ROBO2: variants seen among roughly 807,000 people sequenced by gnomAD.
The protein encoded by ROBO2 is roundabout guidance receptor 2.
ROBO2 carries 53 observed loss-of-function variants against 160.8 expected under a neutral mutation model. The observed-to-expected ratio is 0.33, with a 90% CI of 0.26 to 0.41. ROBO2 has a LOEUF of 0.41. ROBO2 is among the 10% of genes least tolerant of loss of function. ROBO2 has a pLI of 1.00. For missense variants in ROBO2, 1,577 were observed against 1,722.4 expected (o/e 0.92, Z 1.49); for synonymous variants, 664 against 611.7 (o/e 1.09, Z -1.26).
intron 1 of ROBO2, among the ~76,000 whole-genome samples, chr3:77,060,343 T>C (rs775208865): frequency 1.3e-5 from 2 of 152,124 alleles, no homozygotes; most frequent in African/African-American, 4.8e-5. Context: ...GAAAATTGAA[T>C]TGGAGAAACC....
chr3:77,280,576 A>G (rs2153370450), intron 2 of ROBO2, among the ~76,000 whole-genome samples: 1 of 152,316 alleles, frequency 6.6e-6, no homozygotes, highest in East Asian at 1.9e-4. Flanking sequence ...TACAGACATA[A>G]AAAATGAATA....
chr3:77,586,948 T>C (rs2094066196), intron 16 of ROBO2, among the ~76,000 whole-genome samples: 1 of 151,612 alleles, frequency 6.6e-6, no homozygotes, highest in African/African-American at 2.4e-5. Flanking sequence ...GGTTTTTAAA[T>C]CTGAAATTTA....
chr3:75,949,778 C>CTT (rs3036031), intron 2 of ROBO2, among the ~76,000 whole-genome samples: 148,685 of 152,114 alleles, frequency 0.98, 72,736 homozygotes, highest in Non-Finnish European at 1. Context: ...TCAGATTGCT[C>CTT]TACATTCCAC....
chr3:77,019,851 G>T (rs2062514455), intron 2 of ROBO2, among the ~76,000 whole-genome samples: 1 of 152,156 alleles, frequency 6.6e-6, no homozygotes, highest in Non-Finnish European at 1.5e-5. Flanking sequence ...GTTCAACATT[G>T]CCTCTTGAAG....
chr3:76,714,495 T>C (rs1477725016), intron 2 of ROBO2, among the ~76,000 whole-genome samples: 1 of 152,160 alleles, frequency 6.6e-6, no homozygotes, highest in African/African-American at 2.4e-5. Flanking sequence ...AATTGTGAGA[T>C]TGACACATAG....
intron 2 of ROBO2, among the ~76,000 whole-genome samples, chr3:76,219,782 A>T (rs1246835241): frequency 6.6e-6 from 1 of 152,208 alleles, no homozygotes; most frequent in African/African-American, 2.4e-5. Flanking sequence ...TTCCTCAGGG[A>T]TCTAGAACTA....
intron 2 of ROBO2, among the ~76,000 whole-genome samples, chr3:76,248,649 G>GA (rs946518595): frequency 1.6e-5 from 2 of 123,450 alleles, no homozygotes; most frequent in African/African-American, 3.3e-5. Context: ...AATAATAAAA[G>GA]AAAAAAAACT....
intron 2 of ROBO2, among the ~76,000 whole-genome samples, chr3:75,971,914 A>C (rs1348747389): frequency 6.6e-6 from 1 of 151,560 alleles, no homozygotes. Flanking sequence ...TACATAATAA[A>C]ATATAGCATC....
chr3:76,736,303 T>TAAAATAAAATAAAAC (rs2093712726), intron 2 of ROBO2, among the ~76,000 whole-genome samples: 1 of 150,532 alleles, frequency 6.6e-6, no homozygotes, highest in Non-Finnish European at 1.5e-5. Context: ...TAAAATAAAA[T>TAAAATAAAATAAAAC]AAAATAAAAT....
At chr3:76,511,928 A>C (rs1010690802) in intron 2 of ROBO2, among the ~76,000 whole-genome samples, 6 of 152,306 alleles carry the variant, frequency 3.9e-5, no homozygotes, top group African/African-American at 1.2e-4. Context: ...GAAATAGCCA[A>C]AATGGTTGTG....
intron 2 of ROBO2, among the ~76,000 whole-genome samples, chr3:77,168,598 A>G (rs1284569637): frequency 3.3e-5 from 5 of 152,070 alleles, no homozygotes; most frequent in Non-Finnish European, 7.3e-5. Flanking sequence ...TTTTTCACCT[A>G]TCCTCTCATT....
intron 5 of ROBO2, among the ~76,000 whole-genome samples, chr3:77,508,283 A>C (rs1390482577): frequency 6.7e-6 from 1 of 148,696 alleles, no homozygotes; most frequent in East Asian, 1.9e-4. Context: ...GTATTTATAT[A>C]GTATATATAT....
chr3:76,348,044 A>G, intron 2 of ROBO2, among the ~76,000 whole-genome samples: 1 of 152,100 alleles, frequency 6.6e-6, no homozygotes, highest in Non-Finnish European at 1.5e-5. Flanking sequence ...TCGTCTGCCC[A>G]AGCACTATCC....
At chr3:76,940,729 T>A (rs2078131228) in intron 2 of ROBO2, among the ~76,000 whole-genome samples, 1 of 152,160 alleles carries the variant, frequency 6.6e-6, no homozygotes. Context: ...TTTTGTACAC[T>A]CTCCATTCCA....
chr3:77,063,416 T>C (rs1334187948), intron 1 of ROBO2, among the ~76,000 whole-genome samples: 1 of 151,632 alleles, frequency 6.6e-6, no homozygotes, highest in Non-Finnish European at 1.5e-5. Context: ...GAAAAGGGGG[T>C]GTGTTTAGGG....
rs578251706 is a variant in ROBO2 at position 77,558,217 on chromosome 3, A to G, written c.1437+68A>G. 10 of 1,292,996 alleles carry G rather than the reference A, an allele frequency of 7.7e-6. No individual in the cohort carries two copies. The East Asian group carries it at 2.1e-4, about 27-fold the overall frequency. The allele number at this position is 1,292,996 out of a possible 1,614,324, so 80.1% of individuals were successfully genotyped here. A position where few individuals can be genotyped will look rare whatever the true frequency, so the allele number is the denominator to read the frequency against. ...AAGTACTGCTCTATGGAAAAATTGC[A>G]TAGTGAACTTAAAATCTTACATCCT... is the stretch of plus-strand genomic sequence containing the variant. On this transcript the variant is annotated intron_variant, in intron 9 of 25. Coordinates refer to ENST00000461745, the Ensembl canonical transcript of ROBO2.
chr3:77,050,337 T>TG, intron 1 of ROBO2, among the ~76,000 whole-genome samples: 5 of 145,812 alleles, frequency 3.4e-5, no homozygotes, highest in African/African-American at 1.3e-4. Flanking sequence ...GTTTGTGTAT[T>TG]CTAAGTACCT....
chr3:76,648,489 A>C (rs986565433), intron 2 of ROBO2, among the ~76,000 whole-genome samples: 1 of 152,244 alleles, frequency 6.6e-6, no homozygotes, highest in South Asian at 2.1e-4. Context: ...ATGATTATCT[A>C]GGGTGGCCTG....
intron 15 of ROBO2, among the ~76,000 whole-genome samples, chr3:77,578,097 T>C (rs2093815334): frequency 6.6e-6 from 1 of 151,894 alleles, no homozygotes. Context: ...TTGTGTAGAA[T>C]ATTTCACCTG....
Sources: allele counts gnomAD v4.1 joint callset (sites outside exome capture counted in the v4.1 genomes callset), GRCh38; gene constraint gnomAD v4.1.1; transcripts MANE v1.5; gene names NCBI Gene and HGNC (gene_info 2026-07-23, HGNC 2026-07-21).